The following PYGM variants were observed in gnomAD, a reference collection of about 807,000 sequenced individuals.
The protein encoded by PYGM is glycogen phosphorylase, muscle form.
PYGM carries 81 observed loss-of-function variants against 99.3 expected under a neutral mutation model. The ratio of observed to expected loss-of-function variants is 0.82; its 90% CI spans 0.68 to 0.98. PYGM has a LOEUF of 0.98. PYGM is among the 50% of genes least tolerant of loss of function. The pLI, the probability that PYGM is intolerant of heterozygous loss-of-function variation, is 0.00. For missense variants in PYGM, 1,030 were observed against 1,158.1 expected (o/e 0.89, Z 1.61); for synonymous variants, 436 against 451.5 (o/e 0.97, Z 0.44).
chr11:64,751,641 G>A lies in PYGM; in HGVS notation c.1783C>T (p.Pro595Ser), dbSNP rs1220310363. ...GTCCGAGGCACAAAAAACTTATTGG[G>A]CTCCCTCTTGATGCCTGTGGAGAAA... is the stretch of plus-strand genomic sequence containing the variant. ...ITLYNRIKREPNKFFVPRTVM... is the reference protein window; with the variant it reads ...ITLYNRIKRESNKFFVPRTVM... Residue 595 changes from proline to serine, a missense_variant, in exon 15 of 20, where the codon CCC becomes TCC. Physicochemically the swap from Pro to Ser is moderately conservative, Grantham distance 74. Transcript: ENST00000164139. 2 of 1,613,956 alleles carry A rather than the reference G, an allele frequency of 1.2e-6. No homozygotes were observed. The highest frequency in any genetic ancestry group is 1.7e-6 in the Non-Finnish European group (2 of 1,179,892).
In PYGM at chr11:64,754,463, G is replaced by A; in HGVS notation, c.1000-118C>T. 1.1e-6 allele frequency: 1 copy of A among 910,826 alleles called. No individual in the cohort carries two copies. 56.4% of individuals were successfully genotyped at this position (910,826 alleles called of 1,614,324 possible). On this transcript the variant is annotated intron_variant, in intron 8 of 19. Coordinates refer to ENST00000164139, the MANE Select transcript of PYGM (RefSeq NM_005609.4). The surrounding 1 kb of genome is among the most constrained non-coding windows in gnomAD (Gnocchi z 5.5). The stretch of plus-strand genomic sequence containing the variant: ...GCACGGTTCTGTGACTGGGCTGTGG[G>A]CAGAGGCAGGCCGGTGCTCATGGGG...
At chr11:64,760,131 C>T (rs1397865350), upstream of PYGM, 6 of 624,734 alleles carry the variant, frequency 9.6e-6, no homozygotes, top group South Asian at 3.9e-5. Flanking sequence ...CCACTTGGGC[C>T]GCCAAGACTG....
intron 17 of PYGM, 93 bp downstream of exon 17, chr11:64,750,283 G>T: frequency 7.1e-7 from 1 of 1,406,534 alleles, no homozygotes; most frequent in South Asian, 1.2e-5. Context: ...GCTGGGCCTG[G>T]ACCAGTCTTT....
In PYGM at chr11:64,759,709, G is replaced by A. The variant is rs2058421040; in HGVS notation, c.190C>T (p.Leu64Phe). The A allele has an allele frequency of 6.2e-7, 1 of 1,614,076 alleles. No individual in the cohort carries two copies. The highest frequency in any genetic ancestry group is 1.1e-5 in the South Asian group (1 of 91,088). Residue 64 changes from leucine (L) to phenylalanine (F), a missense_variant, in exon 1 of 20, where the codon CTC becomes TTC. Leu to Phe is a conservative substitution (Grantham distance 22). Transcript: ENST00000164139. The part of the protein sequence containing the change: ...FALAHTVRDH[L>F]VGRWIRTQQH... ...TGCGTGCGGATCCAGCGCCCCACGA[G>A]GTGGTCGCGCACGGTATGGGCCAGA...
intron 17 of PYGM, chr11:64,747,842 G>T (rs1279425298): frequency 4.7e-6 from 1 of 214,622 alleles, no homozygotes; most frequent in Non-Finnish European, 9.6e-6. Context: ...AGGAGTTCAA[G>T]ACCAACCTGG....
chr11:64,760,207 C>T (rs1450499641), upstream of PYGM: 1 of 392,318 alleles, frequency 2.5e-6, no homozygotes, highest in Admixed American at 3.7e-5. Flanking sequence ...TCTTCTGTCC[C>T]TTGTCCCTGC....
In PYGM at chr11:64,759,945, C is replaced by G. The variant is rs193179721; in HGVS notation, c.-47G>C. 1 of 1,606,326 alleles carries G rather than the reference C, an allele frequency of 6.2e-7. No individual in the cohort carries two copies. The highest frequency in any genetic ancestry group is 8.5e-7 in the Non-Finnish European group (1 of 1,175,620). The stretch of plus-strand genomic sequence containing the variant: ...ACTGGACTGATGGTAGAGGGGACGG[C>G]GGCCTCAGCACTGCCTCCAGCCAAG... On this transcript the variant is annotated 5_prime_UTR_variant, in exon 1 of 20. Coordinates refer to ENST00000164139, the MANE Select transcript of PYGM (RefSeq NM_005609.4).
At position 64,754,725 on chromosome 11, in the gene PYGM, C is replaced by A. The variant is rs770104418; in HGVS notation, c.967G>T (p.Val323Leu). The A allele has an allele frequency of 4.3e-6, 7 of 1,613,626 alleles. No homozygotes were observed. The Admixed American group carries it at 1.2e-4, about 27-fold the overall frequency. Residue 323 changes from valine (V) to leucine (L), a missense_variant, in exon 8 of 20, where the codon GTG becomes TTG. Physicochemically the swap from Val to Leu is conservative, Grantham distance 32. Coordinates refer to ENST00000164139, the MANE Select transcript of PYGM (RefSeq NM_005609.4). The surrounding 1 kb of genome is among the most constrained non-coding windows in gnomAD (Gnocchi z 5.5). ...GGGAAGGCATCGAAGTTCGTGCGCA[C>A]GGGATCACGGCAGCCGAACTTGGAA... ...KSSKFGCRDP[V>L]RTNFDAFPDK...
Position 64,752,072 on chromosome 11 carries a change from C to G in PYGM, c.1621-1G>C. On this transcript the variant is annotated splice_acceptor_variant, in intron 13 of 19. Transcript: ENST00000164139. LOFTEE classifies it high-confidence loss of function. ...AGGCAGCAAACTTCAACTTGTTTTCCTGGAGGCAGAGACGGGGAAGGGCTC... is the reference window on the plus strand; with the variant it reads ...AGGCAGCAAACTTCAACTTGTTTTCGTGGAGGCAGAGACGGGGAAGGGCTC... 6.2e-7 allele frequency: 1 copy of G among 1,614,074 alleles called. No individual in the cohort carries two copies. The highest frequency in any genetic ancestry group is 8.5e-7 in the Non-Finnish European group (1 of 1,179,988).
At chr11:64,756,023 G>A (rs1029114452) in intron 5 of PYGM, among the ~76,000 whole-genome samples, 1 of 152,226 alleles carries the variant, frequency 6.6e-6, no homozygotes, top group Non-Finnish European at 1.5e-5. Context: ...GCTAATTCAC[G>A]GTGACTAATT....
upstream of PYGM, chr11:64,760,436 A>C: frequency 5.8e-6 from 1 of 171,808 alleles, no homozygotes; most frequent in African/African-American, 2.4e-5. Context: ...ACGACCCTGC[A>C]TTGCAGGGGT....
intron 11 of PYGM, 31 bp downstream of exon 11, chr11:64,753,488 A>G: frequency 1.9e-6 from 3 of 1,558,692 alleles, no homozygotes; most frequent in Non-Finnish European, 2.6e-6. Context: ...TGGGGCCTAG[A>G]GAGGGGCGGG....
Position 64,758,606 on chromosome 11 carries a change from GT to G in PYGM, c.341del (p.Tyr114SerfsTer181), listed in dbSNP as rs1451846370. On this transcript the variant is annotated frameshift_variant, in exon 2 of 20. Transcript: ENST00000164139. LOFTEE classifies it high-confidence loss of function. ...GCTTGCCCCACCCCACACACACCTG[GT>G]AGGTGGCCTCGTCACAGGCATTCTC... Reference protein sequence around the residue: ...ALENACDEATYQLGLDMEELE... With the variant: ...ALENACDEATXQLGLDMEELE... 3 of 1,613,234 alleles carry G rather than the reference GT, an allele frequency of 1.9e-6. No homozygotes were observed. The highest frequency in any genetic ancestry group is 2.5e-6 in the Non-Finnish European group (3 of 1,179,326).
Position 64,755,693 on chromosome 11 carries a change from G to A in PYGM, c.661-135C>T. The A allele has an allele frequency of 2.9e-6, 2 of 700,660 alleles. No individual in the cohort carries two copies. The highest frequency in any genetic ancestry group is 1.7e-5 in the South Asian group (1 of 57,736). 43.4% of individuals were successfully genotyped at this position (700,660 alleles called of 1,614,324 possible). ...TCCTTGTCTAGCATCGATGAGCTGG[G>A]TAACCATGAGCAAACCCCATAGTCT... On this transcript the variant is annotated intron_variant, in intron 5 of 19. Coordinates refer to ENST00000164139, the MANE Select transcript of PYGM (RefSeq NM_005609.4). This position sits in a 1 kb window ranked among gnomAD's most constrained non-coding sequence, Gnocchi z 4.1.
chr11:64,749,938 G>A (rs894517891), intron 17 of PYGM, among the ~76,000 whole-genome samples: 4 of 151,730 alleles, frequency 2.6e-5, no homozygotes, highest in East Asian at 2.0e-4. Flanking sequence ...GACTACAGGC[G>A]CCTGCCAACA....
At chr11:64,751,762 G>A (rs1232946586) in intron 14 of PYGM, 107 bp from the exon 15 acceptor site, 1 of 1,524,748 alleles carries the variant, frequency 6.6e-7, no homozygotes, top group African/African-American at 1.4e-5. Context: ...ACAATCACTT[G>A]CTATGCTCTC....
At position 64,753,620 on chromosome 11, in the gene PYGM, C is replaced by T. The variant is rs1226989230; in HGVS notation, c.1302G>A (p.Glu434=). The T allele has an allele frequency of 6.2e-7, 1 of 1,608,920 alleles. No homozygotes were observed. The highest frequency in any genetic ancestry group is 8.5e-7 in the Non-Finnish European group (1 of 1,179,426). The change falls in exon 11 of 20, where the codon GAG becomes GAA. Residue 434 remains glutamate, a synonymous_variant. Transcript: ENST00000164139. Reference sequence around the variant, plus strand: ...CCATGTTGATGCGCTTCACTGCGCCCTCCTCCACCAGCGACATGCGCCGCA... The same window carrying T: ...CCATGTTGATGCGCTTCACTGCGCCTTCCTCCACCAGCGACATGCGCCGCA... ...DRLRRMSLVE[E]GAVKRINMAH...
chr11:64,760,045 A>AGGC, upstream of PYGM: 2 of 1,297,016 alleles, frequency 1.5e-6, no homozygotes, highest in Non-Finnish European at 2.1e-6. Context: ...CTGCAATGGG[A>AGGC]GGGTCTTGGC....
rs139726186 is a variant in PYGM at position 64,754,768 on chromosome 11, G to A, written c.924C>T (p.Ile308=). ...YFVVAATLQD[I]IRRFKSSKFG... ...ACTTGGAAGACTTGAAGCGACGGAT[G>A]ATGTCCTGGAGGGTGGCAGCCACCA... The change falls in exon 8 of 20, where the codon ATC becomes ATT. Residue 308 remains isoleucine, a synonymous_variant. Coordinates refer to ENST00000164139, the MANE Select transcript of PYGM (RefSeq NM_005609.4). This position sits in a 1 kb window ranked among gnomAD's most constrained non-coding sequence, Gnocchi z 5.5. The A allele has an allele frequency of 2.2e-3, 3,548 of 1,613,948 alleles. 10 individuals are homozygous for A. The highest frequency in any genetic ancestry group is 2.6e-3 in the Non-Finnish European group (3,090 of 1,180,002).
Sources: gnomAD v4.1 joint callset for allele counts (sites outside exome capture counted in the v4.1 genomes callset) on GRCh38, gnomAD v4.1.1 for gene constraint, Gnocchi (gnomAD v3.1) non-coding constraint, MANE v1.5 for transcripts, NCBI Gene and HGNC (gene_info 2026-07-23, HGNC 2026-07-21) for gene names.